RAB27A: variants seen among roughly 807,000 people sequenced by gnomAD.
RAB27A encodes the protein ras-related protein Rab-27A.
In RAB27A, 17 loss-of-function variants were observed where a neutral mutation model predicts 20.8. That is an observed-to-expected ratio of 0.82 (90% CI 0.56 to 1.23). RAB27A has a LOEUF of 1.23. RAB27A is among the 50% of genes most tolerant of loss of function. The pLI is 0.00. For synonymous variants in RAB27A, 85 were observed against 92.8 expected (o/e 0.92, Z 0.48); for missense variants, 277 against 266.7 (o/e 1.04, Z -0.27).
At chr15:55,256,132 C>G (rs1027839514) in intron 2 of RAB27A, among the ~76,000 whole-genome samples, 2 of 152,176 alleles carry the variant, frequency 1.3e-5, no homozygotes, top group African/African-American at 4.8e-5. Flanking sequence ...GGGGAGCAAT[C>G]TGTCGGGCAT....
At chr15:55,283,328 C>T (rs1898065258) in intron 1 of RAB27A, among the ~76,000 whole-genome samples, 1 of 152,040 alleles carries the variant, frequency 6.6e-6, no homozygotes, top group South Asian at 2.1e-4. Flanking sequence ...GGTGTGATAT[C>T]ACATAGTTAA....
At chr15:55,308,863 T>G (rs761404603) in intron 2 of RAB27A, among the ~76,000 whole-genome samples, 1 of 152,222 alleles carries the variant, frequency 6.6e-6, no homozygotes, top group Non-Finnish European at 1.5e-5. Context: ...CTTCAGATAC[T>G]AAGACTGCTA....
intron 2 of RAB27A, among the ~76,000 whole-genome samples, chr15:55,269,640 C>T (rs1025433511): frequency 6.6e-6 from 1 of 152,050 alleles, no homozygotes; most frequent in Admixed American, 6.6e-5. Flanking sequence ...ACTCAGGATG[C>T]TGAGGCAGGA....
intron 1 of RAB27A, among the ~76,000 whole-genome samples, chr15:55,314,740 A>C (rs2055035992): frequency 6.6e-6 from 1 of 152,190 alleles, no homozygotes; most frequent in African/African-American, 2.4e-5. Flanking sequence ...GAGAACTACA[A>C]ACCACTGCTC....
At chr15:55,248,563 A>C (rs1412561813) in intron 2 of RAB27A, among the ~76,000 whole-genome samples, 3 of 152,208 alleles carry the variant, frequency 2.0e-5, no homozygotes, top group African/African-American at 7.2e-5. Flanking sequence ...GCCATTCTGG[A>C]AAACCAAGTG....
At chr15:55,227,438 A>G (rs1222432358) in intron 5 of RAB27A, among the ~76,000 whole-genome samples, 1 of 152,222 alleles carries the variant, frequency 6.6e-6, no homozygotes, top group East Asian at 1.9e-4. Flanking sequence ...CAAGGGAAAT[A>G]ATGAGGCAAC....
At position 55,247,761 on chromosome 15, in the gene RAB27A, G is replaced by C. The variant is rs559634331; in HGVS notation, c.-22-12805C>G. Among the ~76,000 whole-genome samples the C allele has an allele frequency of 3.3e-5, 5 of 152,222 alleles. 1 individual carries two copies. The East Asian group carries it at 7.7e-4, about 23-fold the overall frequency. On this transcript the variant is annotated intron_variant, in intron 2 of 6. Transcript: ENST00000336787. ...TAAAAACAATTAGACAAACATCCAT[G>C]AGTTGGCAGTAACTGGGGAAGAGAC... is the stretch of plus-strand genomic sequence containing the variant.
chr15:55,317,882 G>A (rs1458950509), intron 1 of RAB27A: 1 of 391,462 alleles, frequency 2.6e-6, no homozygotes, highest in African/African-American at 2.1e-5. Flanking sequence ...ATACAAAAAT[G>A]GAAAGCAAAG....
intron 2 of RAB27A, among the ~76,000 whole-genome samples, chr15:55,265,421 G>A (rs577701987): frequency 1.3e-5 from 2 of 152,236 alleles, no homozygotes; most frequent in South Asian, 4.1e-4. Context: ...GAATGTGAGT[G>A]TACAGGCACA....
At chr15:55,309,122 T>C (rs1474985745) in intron 2 of RAB27A, among the ~76,000 whole-genome samples, 1 of 152,194 alleles carries the variant, frequency 6.6e-6, no homozygotes, top group Non-Finnish European at 1.5e-5. Flanking sequence ...TCTTACTAAA[T>C]GGGTATTGAC....
At chr15:55,277,256 A>C (rs1337323329) in intron 1 of RAB27A, among the ~76,000 whole-genome samples, 15 of 152,184 alleles carry the variant, frequency 9.9e-5, no homozygotes, top group Non-Finnish European at 1.5e-5. Flanking sequence ...GCAAGACTTC[A>C]GTGGTTAACT....
At chr15:55,231,857 A>T (rs1896041803) in intron 3 of RAB27A, among the ~76,000 whole-genome samples, 1 of 152,146 alleles carries the variant, frequency 6.6e-6, no homozygotes. Flanking sequence ...TTAACATCAC[A>T]GCTACCAGAG....
In RAB27A at chr15:55,205,088, A is replaced by T. The variant is rs993719070; in HGVS notation, c.*419T>A. The T allele has an allele frequency of 1.8e-5, 4 of 223,256 alleles. No individual in the cohort carries two copies. Among genetic ancestry groups the T allele is most frequent in the Non-Finnish European group, 3.6e-5 (4 of 110,408 alleles). 13.8% of individuals were successfully genotyped at this position (223,256 alleles called of 1,614,324 possible). On this transcript the variant is annotated 3_prime_UTR_variant, in exon 7 of 7. Coordinates refer to ENST00000336787, the MANE Select transcript of RAB27A (RefSeq NM_183235.3). ...TGTCACCTATGGCATGAGTCTTCAA[A>T]TCTGGATTGAAGACTGTGGCGGTTT...
intron 2 of RAB27A, among the ~76,000 whole-genome samples, chr15:55,239,303 T>C (rs1896388792): frequency 6.6e-6 from 1 of 152,202 alleles, no homozygotes; most frequent in Admixed American, 6.6e-5. Flanking sequence ...TGTTTCAAAT[T>C]AATTTCAGAT....
intron 6 of RAB27A, among the ~76,000 whole-genome samples, chr15:55,221,920 C>T (rs1895590430): frequency 6.6e-6 from 1 of 152,128 alleles, no homozygotes; most frequent in South Asian, 2.1e-4. Flanking sequence ...TTATGGGCAC[C>T]AGCTGGTTCT....
rs1897208614 is a variant in RAB27A at position 55,259,763 on chromosome 15, A to G, written c.-23+10402T>C. ...ATAGCACCATTTATTGCATAAAATT[A>G]TCTTTTGCCCAGTGATATGCAATAA... On this transcript the variant is annotated intron_variant, in intron 2 of 6. Transcript: ENST00000336787. 2.6e-5 allele frequency among the ~76,000 whole-genome samples: 4 copies of G among 152,352 alleles called. No homozygotes were observed. The South Asian group carries it at 8.3e-4, about 32-fold the overall frequency.
At chr15:55,285,981 G>A (rs1595748795) in intron 1 of RAB27A, among the ~76,000 whole-genome samples, 1 of 152,180 alleles carries the variant, frequency 6.6e-6, no homozygotes, top group African/African-American at 2.4e-5. Flanking sequence ...TTTTAAGGAA[G>A]ATAAGACTAT....
At chr15:55,267,833 C>G (rs907282798) in intron 2 of RAB27A, among the ~76,000 whole-genome samples, 1 of 152,100 alleles carries the variant, frequency 6.6e-6, no homozygotes, top group Non-Finnish European at 1.5e-5. Flanking sequence ...CTGAAACAGC[C>G]GCAGAGAGAG....
chr15:55,223,773 AGGCCTAT>A, intron 6 of RAB27A, 109 bp downstream of exon 6: 1 of 1,261,650 alleles, frequency 7.9e-7, no homozygotes, highest in South Asian at 1.2e-5. Flanking sequence ...ACATGCCCCA[AGGCCTAT>A]GGCTGAGGTT....
Sources: allele counts gnomAD v4.1 joint callset (sites outside exome capture counted in the v4.1 genomes callset), GRCh38; gene constraint gnomAD v4.1.1; transcripts MANE v1.5; gene names NCBI Gene and HGNC (gene_info 2026-07-23, HGNC 2026-07-21).